The following MRC1 variants were observed in gnomAD, a reference collection of about 807,000 sequenced individuals.
MRC1 encodes the protein macrophage mannose receptor 1.
Under a neutral mutation model 102.9 loss-of-function variants are expected in MRC1, and 62 were observed. The observed-to-expected ratio is 0.60, with a 90% CI of 0.49 to 0.74. The LOEUF is 0.74. Among genes scored for constraint, MRC1 ranks in the 30% least tolerant of loss-of-function variants. The pLI is 0.00. For synonymous variants in MRC1, 457 were observed against 298.4 expected (o/e 1.53, Z -5.48); for missense variants, 1,237 against 862.8 (o/e 1.43, Z -5.43).
chr10:17,894,361 TC>T, intron 23 of MRC1, 49 bp downstream of exon 23: 1 of 835,390 alleles, frequency 1.2e-6, no homozygotes, highest in Non-Finnish European at 2.1e-6. Flanking sequence ...GGTTTTTTTT[TC>T]CCCACTTTTT....
chr10:17,895,837 ACAGCAG>A (rs1833747220), intron 23 of MRC1, among the ~76,000 whole-genome samples: 1 of 152,258 alleles, frequency 6.6e-6, no homozygotes, highest in East Asian at 1.9e-4. Flanking sequence ...GCAACAGTGC[ACAGCAG>A]CAGCAGACAT....
At chr10:17,815,058 C>T (rs1180138027) in intron 1 of MRC1, among the ~76,000 whole-genome samples, 1 of 152,026 alleles carries the variant, frequency 6.6e-6, no homozygotes, top group Non-Finnish European at 1.5e-5. Context: ...CTGATTTTGC[C>T]AAGTTAACAA....
At chr10:17,821,650 G>T (rs1217020654) in intron 1 of MRC1, among the ~76,000 whole-genome samples, 1 of 152,066 alleles carries the variant, frequency 6.6e-6, no homozygotes, top group Non-Finnish European at 1.5e-5. Flanking sequence ...TTTATTATAA[G>T]CTTTAAGCTT....
Position 17,833,784 on chromosome 10 carries a change from A to G in MRC1, c.747A>G (p.Gln249=). Residue 249 remains glutamine (Q), a synonymous_variant, in exon 4 of 30, where the codon CAA becomes CAG. Transcript: ENST00000569591. ...ACCAGGCGAGGAAAAGCTGCCAACA[A>G]CAGAACGCTGAGCTCCTGAGCATCA... ...TWHQARKSCQ[Q]QNAELLSITE... is the part of the protein sequence containing the mutation. 1.3e-6 allele frequency: 1 copy of G among 781,136 alleles called. No individual in the cohort carries two copies. The highest frequency in any genetic ancestry group is 2.4e-6 in the Non-Finnish European group (1 of 418,144). 48.4% of individuals were successfully genotyped at this position (781,136 alleles called of 1,614,324 possible). A position where few individuals can be genotyped will look rare whatever the true frequency, so the allele number is the denominator to read the frequency against.
chr10:17,858,732 C>T (rs968689624), intron 9 of MRC1, among the ~76,000 whole-genome samples: 9 of 152,174 alleles, frequency 5.9e-5, no homozygotes, highest in Admixed American at 2.0e-4. Flanking sequence ...ATGATCCATC[C>T]GCCTTGGCCT....
At chr10:17,877,509 C>A (rs1315770958) in intron 17 of MRC1, among the ~76,000 whole-genome samples, 2 of 150,862 alleles carry the variant, frequency 1.3e-5, no homozygotes, top group African/African-American at 4.9e-5. Context: ...TTACATATAA[C>A]TGATTATTCT....
At chr10:17,821,050 G>A (rs1838387723) in intron 1 of MRC1, among the ~76,000 whole-genome samples, 1 of 152,134 alleles carries the variant, frequency 6.6e-6, no homozygotes, top group Non-Finnish European at 1.5e-5. Flanking sequence ...GGTATTGCAT[G>A]TTCTGTGAAC....
At chr10:17,888,618 C>G (rs1322385074) in intron 22 of MRC1, among the ~76,000 whole-genome samples, 1 of 152,022 alleles carries the variant, frequency 6.6e-6, no homozygotes, top group Non-Finnish European at 1.5e-5. Context: ...CCATTGTGGT[C>G]TTAGAGAATA....
At chr10:17,856,089 G>C (rs2130652448) in intron 8 of MRC1, among the ~76,000 whole-genome samples, 153 bp from the exon 9 acceptor site, 1 of 148,934 alleles carries the variant, frequency 6.7e-6, no homozygotes, top group African/African-American at 2.5e-5. Flanking sequence ...AGAATCACTT[G>C]AACCTGGGAG....
chr10:17,842,356 T>C (rs938033231), intron 5 of MRC1, among the ~76,000 whole-genome samples: 3 of 152,098 alleles, frequency 2.0e-5, no homozygotes, highest in Non-Finnish European at 2.9e-5. Flanking sequence ...CACGAGAAAA[T>C]TTTTAGAGAA....
intron 3 of MRC1, 83 bp downstream of exon 3, chr10:17,827,798 T>G (rs2130600729): frequency 1.3e-6 from 1 of 766,748 alleles, no homozygotes; most frequent in East Asian, 2.4e-5. Flanking sequence ...TCTAGAGCAT[T>G]TTTCCCCAAA....
chr10:17,877,076 A>G (rs1833446789), intron 17 of MRC1, among the ~76,000 whole-genome samples: 2 of 149,810 alleles, frequency 1.3e-5, no homozygotes, highest in Admixed American at 6.7e-5. Flanking sequence ...CTATATATAT[A>G]TATTATGTAT....
rs1589199253 is a variant in MRC1 at position 17,910,999 on chromosome 10, T to C, written c.*534T>C. ...AAGAATAAGGCAGCTGAGAATCTTGTTTCCCCCAAGAGAGTTTTACAGGCT... is the reference window on the plus strand; with the variant it reads ...AAGAATAAGGCAGCTGAGAATCTTGCTTCCCCCAAGAGAGTTTTACAGGCT... On this transcript the variant is annotated 3_prime_UTR_variant, in exon 30 of 30. Coordinates refer to ENST00000569591, the MANE Select transcript of MRC1 (RefSeq NM_002438.4). 2 of 166,834 alleles carry C rather than the reference T, an allele frequency of 1.2e-5. No individual in the cohort carries two copies. The highest frequency in any genetic ancestry group is 4.8e-5 in the African/African-American group (2 of 41,508). The allele number at this position is 166,834 out of a possible 1,614,324, so 10.3% of individuals were successfully genotyped here. A position where few individuals can be genotyped will look rare whatever the true frequency, so the allele number is the denominator to read the frequency against.
At chr10:17,855,599 A>G (rs1833076784) in intron 8 of MRC1, among the ~76,000 whole-genome samples, 2 of 140,680 alleles carry the variant, frequency 1.4e-5, no homozygotes, top group Non-Finnish European at 3.1e-5. Flanking sequence ...AAAAAAAAAG[A>G]GGCTGCATGC....
intron 7 of MRC1, among the ~76,000 whole-genome samples, chr10:17,852,169 T>G (rs2130646107): frequency 6.6e-6 from 1 of 152,372 alleles, no homozygotes; most frequent in East Asian, 1.9e-4. Flanking sequence ...TTAGGAATTT[T>G]TAGCATGGCA....
At chr10:17,825,413 G>A (rs1281893502) in intron 2 of MRC1, among the ~76,000 whole-genome samples, 2 of 152,150 alleles carry the variant, frequency 1.3e-5, no homozygotes, top group Non-Finnish European at 2.9e-5. Flanking sequence ...AGTGTTGGGT[G>A]TATAGAATGG....
Position 17,894,196 on chromosome 10 carries a change from C to T in MRC1, c.3148-14C>T, listed in dbSNP as rs1446420523. Reference sequence around the variant, plus strand: ...TCATGATTGTTTTCTTTTTCTTTCTCCATAAATATACAGGCTGACTGTGTT... The same window carrying T: ...TCATGATTGTTTTCTTTTTCTTTCTTCATAAATATACAGGCTGACTGTGTT... On this transcript the variant is annotated splice_polypyrimidine_tract_variant and intron_variant, in intron 22 of 29. Transcript: ENST00000569591. 27 of 871,038 alleles carry T rather than the reference C, an allele frequency of 3.1e-5. No homozygotes were observed. Among genetic ancestry groups the T allele is most frequent in the African/African-American group, 4.9e-5 (3 of 61,226 alleles). 54.0% of individuals were successfully genotyped at this position (871,038 alleles called of 1,614,324 possible).
rs903982912 is a variant in MRC1 at position 17,854,482 on chromosome 10, G to T, written c.1407+1358G>T. Among the ~76,000 whole-genome samples, 353 of 152,128 alleles carry T rather than the reference G, an allele frequency of 2.3e-3. 3 individuals are homozygous for T. The highest frequency in any genetic ancestry group is 8.0e-3 in the African/African-American group (330 of 41,508). On this transcript the variant is annotated intron_variant, in intron 8 of 29. Transcript: ENST00000569591. The stretch of plus-strand genomic sequence containing the variant: ...AGCAGCATGCTTGGAGGAGGTGAAA[G>T]GTCAGTGTGGTTGAAATCATGAAGT...
intron 5 of MRC1, chr10:17,845,021 C>G (rs1169911817): frequency 1.4e-6 from 1 of 699,732 alleles, no homozygotes; most frequent in Non-Finnish European, 2.7e-6. Flanking sequence ...GCTTTATTAG[C>G]TGATAATGGG....
Sources: gnomAD v4.1 joint callset for allele counts (sites outside exome capture counted in the v4.1 genomes callset) on GRCh38, gnomAD v4.1.1 for gene constraint, MANE v1.5 for transcripts, NCBI Gene and HGNC (gene_info 2026-07-23, HGNC 2026-07-21) for gene names.